The following WDR7 variants were observed in gnomAD, a reference collection of about 807,000 sequenced individuals.
WDR7 encodes WD repeat domain 7.
Under a neutral mutation model 169.4 loss-of-function variants are expected in WDR7, and 46 were observed. The observed-to-expected ratio is 0.27, with a 90% confidence interval of 0.21 to 0.35. The LOEUF (loss-of-function observed/expected upper bound fraction) is 0.35, where lower values mean the gene tolerates loss of function less well. WDR7 is among the 10% of genes least tolerant of loss of function. WDR7 has a pLI of 1.00. For missense variants in WDR7, 1,534 were observed against 1,859.3 expected (o/e 0.83, Z 3.22); for synonymous variants, 612 against 666.8 (o/e 0.92, Z 1.27).
At chr18:56,962,383 C>G (rs1250866162) in intron 25 of WDR7, 47 bp from the exon 26 acceptor site, 2 of 1,556,200 alleles carry the variant, frequency 1.3e-6, no homozygotes, top group Admixed American at 3.4e-5. Flanking sequence ...CAGGTCATCT[C>G]ACCTGGCTTC....
At chr18:56,983,566 CACACAGAG>C (rs948799939) in intron 26 of WDR7, among the ~76,000 whole-genome samples, 1 of 75,800 alleles carries the variant, frequency 1.3e-5, no homozygotes, top group Admixed American at 1.1e-4. Flanking sequence ...AACACACACA[CACACAGAG>C]AGAGAGAGAG....
At chr18:56,763,465 C>T (rs980088004) in intron 16 of WDR7, among the ~76,000 whole-genome samples, 1 of 152,096 alleles carries the variant, frequency 6.6e-6, no homozygotes, top group Non-Finnish European at 1.5e-5. Context: ...TTTGAATTAC[C>T]AATTTTATAG....
At chr18:56,683,698 G>A (rs1045175276) in intron 5 of WDR7, among the ~76,000 whole-genome samples, 1 of 152,186 alleles carries the variant, frequency 6.6e-6, no homozygotes, top group Admixed American at 6.5e-5. Context: ...ATGAGAGTTA[G>A]TGTGATGCCA....
At chr18:56,880,487 A>G (rs1238050688) in intron 21 of WDR7, among the ~76,000 whole-genome samples, 1 of 152,268 alleles carries the variant, frequency 6.6e-6, no homozygotes, top group Non-Finnish European at 1.5e-5. Flanking sequence ...ATTTCTGGAA[A>G]ACTATGCAGT....
intron 19 of WDR7, among the ~76,000 whole-genome samples, chr18:56,787,584 A>G (rs2044422082): frequency 1.3e-5 from 2 of 152,116 alleles, no homozygotes; most frequent in Admixed American, 1.3e-4. Flanking sequence ...CTTTTGTGTT[A>G]AGGTTACCAG....
intron 25 of WDR7, among the ~76,000 whole-genome samples, chr18:56,943,142 T>C (rs768325914): frequency 1.3e-5 from 2 of 152,168 alleles, no homozygotes; most frequent in Non-Finnish European, 2.9e-5. Flanking sequence ...AAAGGTAACA[T>C]ATCAGTAGGA....
At chr18:56,846,625 T>C (rs1311475292) in intron 20 of WDR7, among the ~76,000 whole-genome samples, 1 of 152,200 alleles carries the variant, frequency 6.6e-6, no homozygotes, top group Non-Finnish European at 1.5e-5. Flanking sequence ...TACAAATGGC[T>C]TGGTGCCATC....
At position 57,028,349 on chromosome 18, in the gene WDR7, C is replaced by A. The variant is rs920083850; in HGVS notation, c.*1142C>A. 2.0e-5 allele frequency: 3 copies of A among 152,162 alleles called. No individual in the cohort carries two copies. Among genetic ancestry groups the A allele is most frequent in the Admixed American group, 6.5e-5 (1 of 15,274 alleles). 9.4% of individuals were successfully genotyped at this position (152,162 alleles called of 1,614,324 possible). On this transcript the variant is annotated 3_prime_UTR_variant, in exon 28 of 28. Transcript: ENST00000254442. ...TGCAATGAGGGTGTTCATTATGCTTCTAAGTAAGCTTTAACTAGACCACTT... is the reference window on the plus strand; with the variant it reads ...TGCAATGAGGGTGTTCATTATGCTTATAAGTAAGCTTTAACTAGACCACTT...
intron 25 of WDR7, among the ~76,000 whole-genome samples, chr18:56,952,619 G>T (rs1001505243): frequency 2.6e-5 from 4 of 152,284 alleles, no homozygotes; most frequent in Middle Eastern, 6.8e-3. Flanking sequence ...AAAACAAGGA[G>T]TTCCTATTTT....
At chr18:56,672,937 C>A (rs1332888746) in intron 2 of WDR7, among the ~76,000 whole-genome samples, 3 of 152,006 alleles carry the variant, frequency 2.0e-5, no homozygotes, top group Non-Finnish European at 4.4e-5. Context: ...ATGATGATGA[C>A]CCATACTGAA....
At chr18:56,690,973 C>T (rs1269076935) in intron 7 of WDR7, among the ~76,000 whole-genome samples, 9 of 151,912 alleles carry the variant, frequency 5.9e-5, no homozygotes, top group South Asian at 2.1e-4. Context: ...GGAGCACCCT[C>T]GCTCCACTTG....
At chr18:56,943,583 A>C (rs2047061469) in intron 25 of WDR7, among the ~76,000 whole-genome samples, 1 of 152,202 alleles carries the variant, frequency 6.6e-6, no homozygotes, top group Non-Finnish European at 1.5e-5. Context: ...CTCTAAGAAT[A>C]ATGTGAAAAT....
At chr18:56,808,861 G>A (rs191341811) in intron 19 of WDR7, among the ~76,000 whole-genome samples, 1 of 152,228 alleles carries the variant, frequency 6.6e-6, no homozygotes, top group East Asian at 1.9e-4. Context: ...AACTTCTGAA[G>A]TGGCTTAAAA....
At chr18:56,776,142 C>CA (rs771629604) in intron 16 of WDR7, among the ~76,000 whole-genome samples, 5 of 147,838 alleles carry the variant, frequency 3.4e-5, no homozygotes, top group Non-Finnish European at 7.5e-5. Flanking sequence ...ATAAAATTCA[C>CA]AAAAATTTTT....
intron 19 of WDR7, among the ~76,000 whole-genome samples, chr18:56,796,427 G>A (rs2044586652): frequency 6.6e-6 from 1 of 152,150 alleles, no homozygotes; most frequent in African/African-American, 2.4e-5. Context: ...TACTGATTGT[G>A]TATGTTTCTT....
At chr18:56,945,783 T>C (rs547952325) in intron 25 of WDR7, among the ~76,000 whole-genome samples, 2 of 152,166 alleles carry the variant, frequency 1.3e-5, no homozygotes, top group Non-Finnish European at 2.9e-5. Context: ...GTGATTCTTA[T>C]GAACACTAAA....
intron 19 of WDR7, among the ~76,000 whole-genome samples, chr18:56,804,558 G>C (rs1210705838): frequency 6.6e-6 from 1 of 152,152 alleles, no homozygotes; most frequent in African/African-American, 2.4e-5. Flanking sequence ...CAGTCATATG[G>C]ATATAACAGT....
At chr18:56,780,885 CTAAAT>C (rs1181474332) in intron 18 of WDR7, among the ~76,000 whole-genome samples, 3 of 152,068 alleles carry the variant, frequency 2.0e-5, no homozygotes, top group African/African-American at 7.2e-5. Flanking sequence ...CAAAATAACA[CTAAAT>C]TAAAACTGCA....
At chr18:56,809,794 G>T (rs1373800941) in intron 19 of WDR7, among the ~76,000 whole-genome samples, 1 of 151,734 alleles carries the variant, frequency 6.6e-6, no homozygotes, top group Non-Finnish European at 1.5e-5. Context: ...TTTTTAACAA[G>T]CTAAGTTTTT....
Sources: gnomAD v4.1 joint callset for allele counts (sites outside exome capture counted in the v4.1 genomes callset) on GRCh38, gnomAD v4.1.1 for gene constraint, MANE v1.5 for transcripts, NCBI Gene and HGNC (gene_info 2026-07-23, HGNC 2026-07-21) for gene names.